Variants in CHD6 observed in about 807,000 individuals in gnomAD.
CHD6 encodes the protein ATP-dependent chromatin remodeler CHD6.
A neutral mutation model predicts 276.9 loss-of-function variants in CHD6; 50 were observed. The observed-to-expected ratio is 0.18, with a 90% confidence interval of 0.14 to 0.23. The LOEUF (loss-of-function observed/expected upper bound fraction) is 0.23. Among genes scored for constraint, CHD6 ranks in the 10% least tolerant of loss-of-function variants. The pLI, the probability that CHD6 is intolerant of heterozygous loss-of-function variation, is 1.00. For synonymous variants in CHD6, 1,173 were observed against 1,229.3 expected (o/e 0.95, Z 0.96); for missense variants, 2,564 against 3,365.8 (o/e 0.76, Z 5.89).
intron 15 of CHD6, 78 bp downstream of exon 15, chr20:41,484,274 C>T: frequency 6.7e-7 from 1 of 1,499,584 alleles, no homozygotes; most frequent in Admixed American, 1.7e-5. Flanking sequence ...AAATTCAATA[C>T]ATGAGTTATT....
chr20:41,560,947 A>G (rs1056259108), intron 1 of CHD6, among the ~76,000 whole-genome samples: 1 of 152,094 alleles, frequency 6.6e-6, no homozygotes, highest in African/African-American at 2.4e-5. Context: ...TCTATTTTAA[A>G]TAACATGGTT....
chr20:41,562,465 C>T (rs1221064106), intron 1 of CHD6, among the ~76,000 whole-genome samples: 1 of 151,506 alleles, frequency 6.6e-6, no homozygotes, highest in East Asian at 1.9e-4. Flanking sequence ...CTTAAAGGTG[C>T]CAGAGCACCA....
chr20:41,615,613 G>A (rs6124364), intron 1 of CHD6, among the ~76,000 whole-genome samples: 60,192 of 152,086 alleles, frequency 0.4, 15,153 homozygotes, highest in African/African-American at 0.7. Flanking sequence ...GAAGTAGAGT[G>A]CAGCCTCCTC....
chr20:41,499,795 G>C (rs2043789273), intron 5 of CHD6, among the ~76,000 whole-genome samples: 1 of 152,002 alleles, frequency 6.6e-6, no homozygotes, highest in Non-Finnish European at 1.5e-5. Flanking sequence ...TATTAAAATA[G>C]GAGTTAAAAA....
At chr20:41,615,349 C>CAAAAAAAAAAAAAAAA (rs11379388) in intron 1 of CHD6, among the ~76,000 whole-genome samples, 1 of 124,338 alleles carries the variant, frequency 8.0e-6, no homozygotes. Flanking sequence ...CATTCCATTG[C>CAAAAAAAAAAAAAAAA]AAAAAAAAAA....
At chr20:41,539,870 T>C (rs1317699565) in intron 2 of CHD6, among the ~76,000 whole-genome samples, 1 of 152,230 alleles carries the variant, frequency 6.6e-6, no homozygotes, top group Non-Finnish European at 1.5e-5. Flanking sequence ...TACGCAACCA[T>C]TATTATACGG....
rs949359324 is a variant in CHD6 at position 41,404,163 on chromosome 20, G to A, written c.*430C>T. 1 of 1,062,052 alleles carries A rather than the reference G, an allele frequency of 9.4e-7. No individual in the cohort carries two copies. The highest frequency in any genetic ancestry group is 1.6e-5 in the African/African-American group (1 of 61,002). The allele number at this position is 1,062,052 out of a possible 1,614,324, so 65.8% of individuals were successfully genotyped here. Reference sequence around the variant, plus strand: ...CTTTTTCTGTGCTTTTTGGTTCCCTGTGACATTCTTCCTGTGCAACCCAGC... The same window carrying A: ...CTTTTTCTGTGCTTTTTGGTTCCCTATGACATTCTTCCTGTGCAACCCAGC... On this transcript the variant is annotated 3_prime_UTR_variant, in exon 37 of 37. Coordinates refer to ENST00000373233, the MANE Select transcript of CHD6 (RefSeq NM_032221.5).
At chr20:41,517,724 C>T (rs2044286621) in intron 3 of CHD6, among the ~76,000 whole-genome samples, 1 of 152,176 alleles carries the variant, frequency 6.6e-6, no homozygotes, top group African/African-American at 2.4e-5. Context: ...ATGTCTCATC[C>T]CAATCCCATG....
chr20:41,590,787 C>T (rs28798534), intron 1 of CHD6, among the ~76,000 whole-genome samples: 57,359 of 150,908 alleles, frequency 0.38, 13,568 homozygotes, highest in African/African-American at 0.65. Flanking sequence ...TCAACCATTG[C>T]GGAAGACAGT....
At chr20:41,497,668 C>G in intron 7 of CHD6, 167 bp from the exon 8 acceptor site, 1 of 623,740 alleles carries the variant, frequency 1.6e-6, no homozygotes, top group Non-Finnish European at 2.9e-6. Context: ...AGGGCAACAA[C>G]AGAAAACAAA....
intron 22 of CHD6, among the ~76,000 whole-genome samples, 170 bp downstream of exon 22, chr20:41,451,656 G>A (rs932358307): frequency 1.2e-4 from 19 of 152,204 alleles, no homozygotes; most frequent in Admixed American, 1.2e-3. Flanking sequence ...AGGTAACACT[G>A]GGAGATTCTG....
Position 41,415,569 on chromosome 20 carries a change from C to T in CHD6, c.6556G>A (p.Glu2186Lys), listed in dbSNP as rs773247099. ...AGGCCCCGAGCCTTTGCATCCCTCTCCACCTCAAACTCATAGGGACGCCTG... is the reference window on the plus strand; with the variant it reads ...AGGCCCCGAGCCTTTGCATCCCTCTTCACCTCAAACTCATAGGGACGCCTG... ...KHRRPYEFEV[E>K]RDAKARGLEQ... The change falls in exon 34 of 37, where the codon GAG becomes AAG. Residue 2186 changes from glutamate to lysine, a missense_variant. By Grantham distance (56) the Glu-to-Lys change is moderately conservative (BLOSUM62 1). This residue lies in a region of CHD6 where 1,024 missense variants were observed against 1,047.9 expected (regional missense o/e 0.98). Coordinates refer to ENST00000373233, the MANE Select transcript of CHD6 (RefSeq NM_032221.5). 3.0e-5 allele frequency: 48 copies of T among 1,613,780 alleles called. No individual in the cohort carries two copies. Among genetic ancestry groups the T allele is most frequent in the South Asian group, 2.5e-4 (23 of 91,038 alleles).
chr20:41,573,575 T>C (rs1214989656), intron 1 of CHD6, among the ~76,000 whole-genome samples: 1 of 151,986 alleles, frequency 6.6e-6, no homozygotes, highest in African/African-American at 2.4e-5. Flanking sequence ...GAGTAAGTGA[T>C]ACAAATATCT....
chr20:41,510,447 C>T (rs1601043734), intron 5 of CHD6, among the ~76,000 whole-genome samples: 1 of 152,322 alleles, frequency 6.6e-6, no homozygotes, highest in East Asian at 1.9e-4. Context: ...GGCCTTGGCT[C>T]GGAGGCCAGC....
At chr20:41,579,122 T>C (rs1601161612) in intron 1 of CHD6, among the ~76,000 whole-genome samples, 1 of 89,548 alleles carries the variant, frequency 1.1e-5, no homozygotes, top group Non-Finnish European at 1.9e-5. Flanking sequence ...AGAACGAGAC[T>C]CCATCTCAAA....
At chr20:41,466,642 T>G (rs983037913) in intron 17 of CHD6, among the ~76,000 whole-genome samples, 4 of 152,232 alleles carry the variant, frequency 2.6e-5, no homozygotes, top group Non-Finnish European at 5.9e-5. Context: ...CCTTAAGTAC[T>G]GACCCTGATT....
intron 2 of CHD6, among the ~76,000 whole-genome samples, chr20:41,544,761 C>T (rs2146122436): frequency 6.7e-6 from 1 of 150,348 alleles, no homozygotes; most frequent in African/African-American, 2.4e-5. Flanking sequence ...TGTTATGATA[C>T]TATATTATAA....
At chr20:41,568,688 C>G (rs1176350383) in intron 1 of CHD6, among the ~76,000 whole-genome samples, 1 of 152,048 alleles carries the variant, frequency 6.6e-6, no homozygotes, top group Non-Finnish European at 1.5e-5. Context: ...TGTTTTTTTC[C>G]CTTTGTTTAA....
At chr20:41,488,917 T>C (rs1300832686) in intron 12 of CHD6, among the ~76,000 whole-genome samples, 2 of 152,234 alleles carry the variant, frequency 1.3e-5, no homozygotes. Context: ...AGATAGGTGT[T>C]GTTCACAAGT....
Sources: gnomAD v4.1 joint callset for allele counts (sites outside exome capture counted in the v4.1 genomes callset) on GRCh38, gnomAD v4.1.1 for gene constraint, gnomAD v4.1.1 regional missense constraint, MANE v1.5 for transcripts, NCBI Gene and HGNC (gene_info 2026-07-23, HGNC 2026-07-21) for gene names.